Variants in MSN observed in about 807,000 individuals in gnomAD.
MSN encodes moesin, also known as epididymis luminal protein 70.
A neutral mutation model predicts 48.0 loss-of-function variants in MSN; 2 were observed. The observed-to-expected ratio is 0.04, with a 90% CI of 0.02 to 0.13. The LOEUF (loss-of-function observed/expected upper bound fraction) is 0.13. Among genes scored for constraint, MSN ranks in the 10% least tolerant of loss-of-function variants. MSN has a pLI of 1.00. For missense variants in MSN, 267 were observed against 470.1 expected (o/e 0.57, Z 3.99); for synonymous variants, 146 against 166.9 (o/e 0.87, Z 0.97).
chrX:65,654,420 T>G (rs1000017058), intron 1 of MSN, among the ~76,000 whole-genome samples: 10 of 110,357 alleles, frequency 9.1e-5, no homozygotes, highest in African/African-American at 3.0e-4. Flanking sequence ...CGCCTGGCCT[T>G]GCAAAGACCC....
At chrX:65,652,559 G>A (rs1380377403) in intron 1 of MSN, among the ~76,000 whole-genome samples, 2 of 111,639 alleles carry the variant, frequency 1.8e-5, no homozygotes, top group Non-Finnish European at 3.8e-5. Context: ...TCTGCTCTCA[G>A]CAGAGAGACC....
chrX:65,729,854 C>T, intron 4 of MSN, 142 bp downstream of exon 4: 1 of 636,696 alleles, frequency 1.6e-6, no homozygotes, highest in Non-Finnish European at 2.3e-6. Flanking sequence ...GCTCAAGAGA[C>T]ATTTGCATAT....
chrX:65,692,159 G>C (rs1234819481), intron 1 of MSN, among the ~76,000 whole-genome samples: 2 of 112,388 alleles, frequency 1.8e-5, no homozygotes, highest in Non-Finnish European at 3.8e-5. Flanking sequence ...TTGGCCAGCT[G>C]GGAGGGATCC....
intron 1 of MSN, among the ~76,000 whole-genome samples, chrX:65,619,836 G>GT (rs1358643720): frequency 2.8e-5 from 3 of 108,944 alleles, no homozygotes; most frequent in Admixed American, 1.9e-4. Context: ...CATCTTTGTG[G>GT]TTTTATCTAC....
intron 1 of MSN, among the ~76,000 whole-genome samples, chrX:65,633,483 T>A (rs1178070936): frequency 1.8e-5 from 2 of 112,544 alleles, no homozygotes; most frequent in Admixed American, 1.9e-4. Context: ...ATTAAGACAA[T>A]AAACCCAGAT....
chrX:65,666,546 T>G (rs1232129504), upstream of MSN, among the ~76,000 whole-genome samples: 2 of 110,900 alleles, frequency 1.8e-5, no homozygotes, highest in East Asian at 5.7e-4. Flanking sequence ...CTTGAACTCC[T>G]GACCTCAGGT....
At chrX:65,729,748 TA>T in intron 4 of MSN, 36 bp downstream of exon 4, 1 of 1,189,106 alleles carries the variant, frequency 8.4e-7, no homozygotes, top group Non-Finnish European at 1.1e-6. Flanking sequence ...GCCTTGGCCA[TA>T]AGGGGCTGCA....
At chrX:65,619,500 C>A (rs1388242419) in intron 1 of MSN, among the ~76,000 whole-genome samples, 1 of 99,177 alleles carries the variant, frequency 1.0e-5, no homozygotes, top group Non-Finnish European at 1.9e-5. Flanking sequence ...TTGATCGCAT[C>A]GGCTCCTGAG....
chrX:65,692,433 GGTATGTGGGCC>G (rs2147474673), intron 1 of MSN, among the ~76,000 whole-genome samples: 1 of 112,350 alleles, frequency 8.9e-6, no homozygotes, highest in South Asian at 3.6e-4. Context: ...ATGATCAATT[GGTATGTGGGCC>G]AGTTATCTTT....
chrX:65,739,051 G>A lies in MSN; in HGVS notation c.1426G>A (p.Ala476Thr). Residue 476 changes from alanine to threonine, a missense_variant, in exon 12 of 13, where the codon GCT (alanine) becomes ACT (threonine). By Grantham distance (58) the Ala-to-Thr change is moderately conservative. Coordinates refer to ENST00000360270, the MANE Select transcript of MSN (RefSeq NM_002444.3). ...AMSTPHVAEPAENEQDEQDEN... is the reference protein window; with the variant it reads ...AMSTPHVAEPTENEQDEQDEN... ...GAGTACACCTCATGTGGCAGAGCCT[G>A]CTGAGAATGAGCAGGATGAGCAGGA... is the stretch of plus-strand genomic sequence containing the variant. The A allele has an allele frequency of 1.7e-6, 2 of 1,212,078 alleles. No individual in the cohort carries two copies. The highest frequency in any genetic ancestry group is 2.2e-6 in the Non-Finnish European group (2 of 895,566).
At chrX:65,651,565 TTA>T (rs2070742517) in intron 1 of MSN, among the ~76,000 whole-genome samples, 1,605 of 58,753 alleles carry the variant, frequency 0.027, 39 homozygotes, top group African/African-American at 0.21. Flanking sequence ...GTAATATTTA[TTA>T]TTATTATTAT....
intron 1 of MSN, among the ~76,000 whole-genome samples, chrX:65,657,660 A>G (rs772086980): frequency 3.6e-5 from 4 of 111,871 alleles, no homozygotes; most frequent in African/African-American, 1.3e-4. Context: ...ATATTCCCAG[A>G]CACTTGATAC....
At chrX:65,655,194 G>A in intron 1 of MSN, among the ~76,000 whole-genome samples, 1 of 110,903 alleles carries the variant, frequency 9.0e-6, no homozygotes. Flanking sequence ...AGATAGGCTT[G>A]TTTCATTATA....
intron 1 of MSN, among the ~76,000 whole-genome samples, chrX:65,628,830 C>A (rs866645950): frequency 9.1e-6 from 1 of 110,021 alleles, no homozygotes; most frequent in Non-Finnish European, 1.9e-5. Flanking sequence ...TTTGGGAGGC[C>A]GAGGTGGGCG....
At chrX:65,725,892 G>C (rs1267325339) in intron 2 of MSN, among the ~76,000 whole-genome samples, 1 of 112,243 alleles carries the variant, frequency 8.9e-6, no homozygotes, top group Non-Finnish European at 1.9e-5. Flanking sequence ...TTAGTACAAT[G>C]ATAGAACTTA....
At chrX:65,653,291 C>T (rs1202268431) in intron 1 of MSN, among the ~76,000 whole-genome samples, 9 of 111,111 alleles carry the variant, frequency 8.1e-5, no homozygotes, top group Non-Finnish European at 1.1e-4. Context: ...GGGATGGCCC[C>T]GCATTTTCCC....
chrX:65,682,726 C>T (rs972163838), intron 1 of MSN, among the ~76,000 whole-genome samples: 1 of 112,249 alleles, frequency 8.9e-6, no homozygotes, highest in Non-Finnish European at 1.9e-5. Flanking sequence ...AGATTCTCAA[C>T]AAATATTTAT....
At chrX:65,634,067 A>G (rs1344337186) in intron 1 of MSN, among the ~76,000 whole-genome samples, 2 of 111,289 alleles carry the variant, frequency 1.8e-5, no homozygotes, top group African/African-American at 6.5e-5. Context: ...ACCACACCAC[A>G]AAGGACAGTT....
At chrX:65,617,149 G>C (rs901319613) in intron 1 of MSN, among the ~76,000 whole-genome samples, 2 of 105,828 alleles carry the variant, frequency 1.9e-5, no homozygotes, top group African/African-American at 3.9e-5. Context: ...GTTCATCAAG[G>C]ATATTGGTCT....
Sources: allele counts gnomAD v4.1 joint callset (sites outside exome capture counted in the v4.1 genomes callset), GRCh38; gene constraint gnomAD v4.1.1; transcripts MANE v1.5; gene names NCBI Gene and HGNC (gene_info 2026-07-23, HGNC 2026-07-21).